Variants in AVL9 observed in about 807,000 individuals in gnomAD.
AVL9 encodes the protein AVL9 cell migration associated.
AVL9 carries 49 observed loss-of-function variants against 79.2 expected under a neutral mutation model. The observed-to-expected ratio is 0.62, with a 90% CI of 0.49 to 0.79. The LOEUF is 0.79. Ranked by LOEUF, AVL9 falls within the 30% of genes least tolerant of loss-of-function variation. AVL9 has a pLI of 0.00. For missense variants in AVL9, 682 were observed against 776.8 expected (o/e 0.88, Z 1.45); for synonymous variants, 299 against 280.6 (o/e 1.07, Z -0.65).
intron 15 of AVL9, 66 bp from the exon 16 acceptor site, chr7:32,583,726 G>T: frequency 3.2e-6 from 3 of 932,628 alleles, no homozygotes; most frequent in South Asian, 1.6e-5. Flanking sequence ...TAATTATGTT[G>T]GTCTTTCACT....
At chr7:32,538,641 C>T (rs2083959954) in intron 1 of AVL9, 1 of 152,130 alleles carries the variant, frequency 6.6e-6, no homozygotes, top group East Asian at 1.9e-4. Context: ...AGAGTTAAAA[C>T]CTCTGCTAGC....
intron 2 of AVL9, 28 bp downstream of exon 2, chr7:32,543,289 G>C (rs969965001): frequency 1.2e-6 from 2 of 1,601,606 alleles, no homozygotes; most frequent in Non-Finnish European, 8.5e-7. Context: ...GAAGCAGTTA[G>C]GTGCCATTTT....
At chr7:32,537,453 A>C (rs1256481072) in intron 1 of AVL9, 1 of 143,796 alleles carries the variant, frequency 7.0e-6, no homozygotes, top group Non-Finnish European at 1.5e-5. Context: ...ATCCATTAGA[A>C]AGGAGTTTTT....
intron 1 of AVL9, among the ~76,000 whole-genome samples, chr7:32,496,543 C>T (rs1367269238): frequency 6.6e-6 from 1 of 152,150 alleles, no homozygotes; most frequent in Non-Finnish European, 1.5e-5. Flanking sequence ...TATTTGCAAT[C>T]TATGTATTGA....
chr7:32,504,725 C>G lies in AVL9; in HGVS notation c.93+8923C>G, dbSNP rs17161383. Among the ~76,000 whole-genome samples the G allele has an allele frequency of 2.6e-3, 402 of 152,252 alleles. 8 individuals are homozygous for G. In the East Asian group the frequency reaches 0.035, roughly 13 times the overall value. Reference sequence around the variant, plus strand: ...ATTCAGAAACATGCCCAGGACATTCCAGGACAGGCAGAAGTAATATTTAAT... The same window carrying G: ...ATTCAGAAACATGCCCAGGACATTCGAGGACAGGCAGAAGTAATATTTAAT... On this transcript the variant is annotated intron_variant, in intron 1 of 15. Transcript: ENST00000318709.
intron 14 of AVL9, 111 bp downstream of exon 14, chr7:32,580,383 T>C (rs1354987633): frequency 2.4e-6 from 2 of 829,746 alleles, no homozygotes; most frequent in African/African-American, 3.5e-5. Flanking sequence ...ATGCTTCAAA[T>C]AGTAACCAAA....
At chr7:32,545,991 C>T (rs58488610) in intron 3 of AVL9, among the ~76,000 whole-genome samples, 36,715 of 150,972 alleles carry the variant, frequency 0.24, 5,482 homozygotes, top group Admixed American at 0.42. Flanking sequence ...TAAAAGCTCG[C>T]CAGGTGATTT....
chr7:32,575,880 C>A, intron 12 of AVL9, 75 bp from the exon 13 acceptor site: 1 of 1,057,964 alleles, frequency 9.5e-7, no homozygotes, highest in Non-Finnish European at 1.5e-6. Flanking sequence ...GTTCCTTTAC[C>A]CTTTTTGGTT....
rs1791659807 is a variant in AVL9, at chr7:32,584,228, T to C, written c.*321T>C. The C allele has an allele frequency of 3.4e-6, 1 of 293,332 alleles. No individual in the cohort carries two copies. The highest frequency in any genetic ancestry group is 6.5e-6 in the Non-Finnish European group (1 of 152,782). 18.2% of individuals were successfully genotyped at this position (293,332 alleles called of 1,614,324 possible). A position where few individuals can be genotyped will look rare whatever the true frequency, so the allele number is the denominator to read the frequency against. The stretch of plus-strand genomic sequence containing the variant: ...TACTTTAGAAGAGTTTTTACTTATG[T>C]AAATTTTGTTCTGTTTTGGTGTTTG... On this transcript the variant is annotated 3_prime_UTR_variant, in exon 16 of 16. Transcript: ENST00000318709.
intron 1 of AVL9, among the ~76,000 whole-genome samples, chr7:32,529,241 A>G (rs1583524502): frequency 6.6e-6 from 1 of 152,354 alleles, no homozygotes; most frequent in Middle Eastern, 3.4e-3. Flanking sequence ...AAATGGTTGA[A>G]GAAAGCAGAA....
intron 1 of AVL9, among the ~76,000 whole-genome samples, chr7:32,507,283 C>G (rs970511677): frequency 6.6e-6 from 1 of 152,272 alleles, no homozygotes; most frequent in Non-Finnish European, 1.5e-5. Context: ...ATCATACATA[C>G]ACAGAAAAGT....
intron 10 of AVL9, among the ~76,000 whole-genome samples, chr7:32,564,045 G>A (rs947416236): frequency 1.3e-5 from 2 of 152,084 alleles, no homozygotes; most frequent in Admixed American, 6.6e-5. Flanking sequence ...CTATTTCACC[G>A]ACCTGCCCTC....
intron 1 of AVL9, among the ~76,000 whole-genome samples, chr7:32,503,574 A>AAAAC (rs1554332801): frequency 1.3e-5 from 2 of 150,136 alleles, no homozygotes; most frequent in Non-Finnish European, 3.0e-5. Flanking sequence ...AAAAAAAAAA[A>AAAAC]AACTAGATTT....
intron 1 of AVL9, among the ~76,000 whole-genome samples, chr7:32,519,467 C>A (rs6977830): frequency 4.2e-4 from 63 of 151,558 alleles, no homozygotes; most frequent in African/African-American, 1.5e-3. Flanking sequence ...GGCCTTCAGA[C>A]TGATACAAGC....
At chr7:32,559,494 T>C in intron 10 of AVL9, 30 bp downstream of exon 10, 1 of 1,498,692 alleles carries the variant, frequency 6.7e-7, no homozygotes, top group Non-Finnish European at 8.9e-7. Context: ...ATCGAATTCC[T>C]TAAAGAATTT....
intron 1 of AVL9, among the ~76,000 whole-genome samples, chr7:32,505,877 C>CAT (rs1787391628): frequency 1.3e-5 from 2 of 152,038 alleles, no homozygotes; most frequent in Admixed American, 1.3e-4. Flanking sequence ...CTTGGATGCT[C>CAT]ATATATATAT....
At chr7:32,562,237 A>G (rs1249003165) in intron 10 of AVL9, among the ~76,000 whole-genome samples, 12 of 151,724 alleles carry the variant, frequency 7.9e-5, no homozygotes, top group Admixed American at 6.0e-4. Flanking sequence ...GTGAAGTACA[A>G]TAAAAAGAGG....
intron 1 of AVL9, among the ~76,000 whole-genome samples, chr7:32,529,364 A>G (rs1209080178): frequency 2.0e-5 from 3 of 152,230 alleles, no homozygotes; most frequent in East Asian, 1.9e-4. Context: ...TGGTTGCTGT[A>G]AATCTCCTGG....
chr7:32,504,331 G>T (rs992973699), intron 1 of AVL9, among the ~76,000 whole-genome samples: 1 of 152,038 alleles, frequency 6.6e-6, no homozygotes, highest in Non-Finnish European at 1.5e-5. Flanking sequence ...CAGGAACCTG[G>T]AGATAATGTT....
Sources: gnomAD v4.1 joint callset for allele counts (sites outside exome capture counted in the v4.1 genomes callset) on GRCh38, gnomAD v4.1.1 for gene constraint, MANE v1.5 for transcripts, NCBI Gene and HGNC (gene_info 2026-07-23, HGNC 2026-07-21) for gene names.